PCNX1: variants seen among roughly 807,000 people sequenced by gnomAD.
The protein encoded by PCNX1 is pecanex 1.
PCNX1 carries 78 observed loss-of-function variants against 242.2 expected under a neutral mutation model. The observed-to-expected ratio is 0.32, with a 90% CI of 0.27 to 0.39. The LOEUF (loss-of-function observed/expected upper bound fraction) is 0.39. PCNX1 is among the 10% of genes least tolerant of loss of function. The probability of loss-of-function intolerance (pLI) is 1.00; values close to 1 mark genes in which losing one functional copy is unlikely to be tolerated. For missense variants in PCNX1, 2,581 were observed against 2,856.5 expected (o/e 0.90, Z 2.20); for synonymous variants, 1,024 against 1,032.9 (o/e 0.99, Z 0.17).
chr14:71,009,496 A>C (rs1030758784), intron 8 of PCNX1, 138 bp from the exon 9 acceptor site: 5 of 447,734 alleles, frequency 1.1e-5, no homozygotes, highest in Non-Finnish European at 2.0e-5. Context: ...TTACATGCAG[A>C]TCATTGTTTT....
chr14:71,093,114 G>T (rs2062179372), intron 30 of PCNX1: 1 of 152,190 alleles, frequency 6.6e-6, no homozygotes, highest in South Asian at 2.1e-4. Context: ...AGGATTGTCA[G>T]TGCTATGGAA....
At chr14:70,994,798 C>T (rs2059299476) in intron 7 of PCNX1, among the ~76,000 whole-genome samples, 1 of 151,638 alleles carries the variant, frequency 6.6e-6, no homozygotes, top group Non-Finnish European at 1.5e-5. Context: ...TTCATAGTAT[C>T]ATAAAAATAT....
chr14:70,969,033 C>T lies in PCNX1; in HGVS notation c.527C>T (p.Thr176Ile). The T allele has an allele frequency of 6.2e-7, 1 of 1,601,942 alleles. No individual in the cohort carries two copies. The highest frequency in any genetic ancestry group is 1.1e-5 in the South Asian group (1 of 90,872). Residue 176 changes from threonine to isoleucine, a missense_variant, in exon 5 of 36, where the codon ACT becomes ATT. Thr to Ile is a moderately conservative substitution (Grantham distance 89). Around this residue, in one of 9 missense-constraint regions of PCNX1, gnomAD observed 1,204 missense variants for 1,216.7 expected, o/e 0.99. Coordinates refer to ENST00000304743, the MANE Select transcript of PCNX1 (RefSeq NM_014982.3). ...CTTAACTTTGTAGGAGATACAGACA[C>T]TGCTAAGACTTCTGATGATATCAGT... ...TAATIKGDTD[T>I]AKTSDDISLS...
intron 7 of PCNX1, 104 bp downstream of exon 7, chr14:70,988,803 C>G (rs2059073255): frequency 2.2e-6 from 3 of 1,374,982 alleles, no homozygotes; most frequent in African/African-American, 2.9e-5. Flanking sequence ...TTTTTCTTTT[C>G]CTTTCTGTTT....
chr14:71,066,981 CT>C (rs1318871590), intron 26 of PCNX1, among the ~76,000 whole-genome samples: 3 of 152,036 alleles, frequency 2.0e-5, no homozygotes, highest in African/African-American at 7.2e-5. Flanking sequence ...GGTGAATAAG[CT>C]TTTTGATGTG....
intron 26 of PCNX1, among the ~76,000 whole-genome samples, chr14:71,071,695 T>G (rs2061590758): frequency 6.6e-6 from 1 of 152,202 alleles, no homozygotes; most frequent in South Asian, 2.1e-4. Context: ...AAACCTCTTT[T>G]CATTACAAAT....
rs117656013 is a variant in PCNX1 at position 70,979,889 on chromosome 14, G to C, written c.2311+1241G>C. Among the ~76,000 whole-genome samples the C allele has an allele frequency of 9.2e-5, 14 of 151,502 alleles. 1 individual carries two copies. The East Asian group carries it at 2.7e-3, about 29-fold the overall frequency. Reference sequence around the variant, plus strand: ...TAAATATTGAGAACTAATTATATCTGAAGTGGTTATAACCATTTGGTGACA... The same window carrying C: ...TAAATATTGAGAACTAATTATATCTCAAGTGGTTATAACCATTTGGTGACA... On this transcript the variant is annotated intron_variant, in intron 6 of 35. Transcript: ENST00000304743.
chr14:71,028,769 G>C lies in PCNX1; in HGVS notation c.3536G>C (p.Gly1179Ala), dbSNP rs1397533868. 2 of 1,601,684 alleles carry C rather than the reference G, an allele frequency of 1.2e-6. No individual in the cohort carries two copies. The highest frequency in any genetic ancestry group is 1.1e-5 in the South Asian group (1 of 89,836). The change falls in exon 16 of 36, where the codon GGA becomes GCA. Residue 1179 changes from glycine to alanine, a missense_variant. Around this residue, in one of 9 missense-constraint regions of PCNX1, gnomAD observed 432 missense variants for 443.1 expected, o/e 0.97. Coordinates refer to ENST00000304743, the MANE Select transcript of PCNX1 (RefSeq NM_014982.3). ...ATTGTTGCAGTAGCCTTATTGTATG[G>C]ATTATGTTATGGGGCTTTAAAGGTG... Reference protein sequence around the residue: ...CSIVAVALLYGLCYGALKDSW... With the variant: ...CSIVAVALLYALCYGALKDSW...
At chr14:70,922,007 G>A (rs1264974014) in intron 1 of PCNX1, among the ~76,000 whole-genome samples, 1 of 152,158 alleles carries the variant, frequency 6.6e-6, no homozygotes, top group Admixed American at 6.5e-5. Flanking sequence ...GTGCTGGGAG[G>A]TCTGTTATTT....
chr14:71,094,938 A>G (rs917721989), intron 30 of PCNX1, among the ~76,000 whole-genome samples: 1 of 152,198 alleles, frequency 6.6e-6, no homozygotes, highest in Non-Finnish European at 1.5e-5. Flanking sequence ...CTCTAAAAAA[A>G]ACCCCAATAA....
chr14:70,974,911 C>T (rs150589990), intron 5 of PCNX1, among the ~76,000 whole-genome samples: 1 of 152,094 alleles, frequency 6.6e-6, no homozygotes, highest in East Asian at 1.9e-4. Flanking sequence ...TGAAAATTTC[C>T]TGAAACCACC....
chr14:71,008,436 C>A (rs2059726545), intron 8 of PCNX1, among the ~76,000 whole-genome samples: 1 of 151,902 alleles, frequency 6.6e-6, no homozygotes, highest in Non-Finnish European at 1.5e-5. Flanking sequence ...GCAGGTGGAT[C>A]ATGAGGTCAG....
chr14:70,958,668 A>G (rs962479019), intron 2 of PCNX1, among the ~76,000 whole-genome samples: 4 of 152,152 alleles, frequency 2.6e-5, no homozygotes, highest in Admixed American at 6.6e-5. Flanking sequence ...CATTAAGAGT[A>G]GCAGATATAG....
At chr14:71,067,472 A>G (rs932621664) in intron 26 of PCNX1, among the ~76,000 whole-genome samples, 1 of 151,894 alleles carries the variant, frequency 6.6e-6, no homozygotes, top group Non-Finnish European at 1.5e-5. Flanking sequence ...CTCCTTTATC[A>G]TTTTTTGTGT....
intron 8 of PCNX1, among the ~76,000 whole-genome samples, chr14:71,006,135 G>GTC (rs2059657664): frequency 9.2e-6 from 1 of 108,694 alleles, no homozygotes; most frequent in East Asian, 2.5e-4. Context: ...GTGTGTGTGT[G>GTC]TGTGTGTGTG....
intron 30 of PCNX1, 90 bp downstream of exon 30, chr14:71,089,432 TAAGGAATACCC>T: frequency 1.0e-6 from 1 of 964,724 alleles, no homozygotes. Flanking sequence ...CACGCTGCTG[TAAGGAATACCC>T]GAGACTGGGT....
Position 71,076,207 on chromosome 14 carries a change from A to G in PCNX1, c.5125A>G (p.Thr1709Ala). ...YYVKGIIYYV[T>A]TSSKLEEWLA... ...ATGTTAGGGTATCATTTATTATGTT[A>G]CGACCTCGTCTAAGCTAGAGGAGTG... The change falls in exon 28 of 36, where the codon ACG becomes GCG. Residue 1709 changes from threonine (T) to alanine (A), a missense_variant. By Grantham distance (58) the Thr-to-Ala change is moderately conservative. Around this residue, in one of 9 missense-constraint regions of PCNX1, gnomAD observed 298 missense variants for 480.1 expected, o/e 0.62. Transcript: ENST00000304743. 1 of 1,608,804 alleles carries G rather than the reference A, an allele frequency of 6.2e-7. No homozygotes were observed. The highest frequency in any genetic ancestry group is 8.5e-7 in the Non-Finnish European group (1 of 1,175,576).
At position 71,109,103 on chromosome 14, in the gene PCNX1, C is replaced by A. The variant is rs1440347428; in HGVS notation, c.6744+57C>A. On this transcript the variant is annotated intron_variant, in intron 34 of 35. Transcript: ENST00000304743. ...TTTTGTTACTTATTTGTTTTTATTTCTTATTTGTTGAATGAAGGACTGTTG... is the reference window on the plus strand; with the variant it reads ...TTTTGTTACTTATTTGTTTTTATTTATTATTTGTTGAATGAAGGACTGTTG... 8.7e-6 allele frequency: 12 copies of A among 1,383,346 alleles called. No individual in the cohort carries two copies. The East Asian group carries it at 1.7e-4, about 19-fold the overall frequency. 85.7% of individuals were successfully genotyped at this position (1,383,346 alleles called of 1,614,324 possible).
In PCNX1 at chr14:71,022,994, T is replaced by C. The variant is rs963825711; in HGVS notation, c.3151-206T>C. Reference sequence around the variant, plus strand: ...TAATAATCTTATTTCCTGACTCTTATCAGGAAAGATTTGATATGTTTTTAA... The same window carrying C: ...TAATAATCTTATTTCCTGACTCTTACCAGGAAAGATTTGATATGTTTTTAA... On this transcript the variant is annotated intron_variant, in intron 12 of 35. Transcript: ENST00000304743. 3.3e-5 allele frequency among the ~76,000 whole-genome samples: 5 copies of C among 152,080 alleles called. No individual in the cohort carries two copies. The East Asian group carries it at 9.6e-4, about 29-fold the overall frequency.
Sources: gnomAD v4.1 joint callset for allele counts (sites outside exome capture counted in the v4.1 genomes callset) on GRCh38, gnomAD v4.1.1 for gene constraint, gnomAD v4.1.1 regional missense constraint, MANE v1.5 for transcripts, NCBI Gene and HGNC (gene_info 2026-07-23, HGNC 2026-07-21) for gene names.